ASS1: variants seen among roughly 807,000 people sequenced by gnomAD.
The protein encoded by ASS1 is argininosuccinate synthase.
In ASS1, 58 loss-of-function variants were observed where a neutral mutation model predicts 60.5. The ratio of observed to expected loss-of-function variants is 0.96; its 90% confidence interval spans 0.78 to 1.19. The LOEUF (loss-of-function observed/expected upper bound fraction) is 1.19. ASS1 is among the 50% of genes most tolerant of loss of function. The pLI, the probability that ASS1 is intolerant of heterozygous loss-of-function variation, is 0.00. For missense variants in ASS1, 454 were observed against 547.3 expected, an observed-to-expected ratio of 0.83 and a Z score of 1.70; for synonymous variants, 200 against 206.9, an observed-to-expected ratio of 0.97 and a Z score of 0.29.
In ASS1 at chr9:130,476,747, C is replaced by G; in HGVS notation, c.598-124C>G. 1.0e-6 allele frequency: 1 copy of G among 957,946 alleles called. No individual in the cohort carries two copies. Among genetic ancestry groups the G allele is most frequent in the Non-Finnish European group, 1.7e-6 (1 of 587,090 alleles). The allele number at this position is 957,946 out of a possible 1,614,324, so 59.3% of individuals were successfully genotyped here. On this transcript the variant is annotated intron_variant, in intron 8 of 14. Transcript: ENST00000352480. This position sits in a 1 kb window ranked among gnomAD's most constrained non-coding sequence, Gnocchi z 4.9. Reference sequence around the variant, plus strand: ...TGAGGGCTGGGGACCGGGGGATCTGCCGGACCCCACCAGCTGGTGGGGAAA... The same window carrying G: ...TGAGGGCTGGGGACCGGGGGATCTGGCGGACCCCACCAGCTGGTGGGGAAA...
chr9:130,476,859 G>A lies in ASS1; in HGVS notation c.598-12G>A, dbSNP rs1846032549. The A allele has an allele frequency of 6.2e-7, 1 of 1,612,314 alleles. No individual in the cohort carries two copies. Among genetic ancestry groups the A allele is most frequent in the African/African-American group, 1.3e-5 (1 of 74,984 alleles). ...GTATGTCATCTGCCCACCACTTTCT[G>A]TCTTTTTTCAGAACCAAGCGCCTCC... On this transcript the variant is annotated splice_polypyrimidine_tract_variant and intron_variant, in intron 8 of 14. Transcript: ENST00000352480. The surrounding 1 kb of genome is among the most constrained non-coding windows in gnomAD (Gnocchi z 4.9).
At chr9:130,475,739 G>GGGTT (rs1845996768) in intron 8 of ASS1, among the ~76,000 whole-genome samples, 1 of 142,004 alleles carries the variant, frequency 7.0e-6, no homozygotes, top group Admixed American at 7.3e-5. Flanking sequence ...TGTGTGCAAG[G>GGGTT]TGTTTTTTTT....
chr9:130,490,650 A>AT (rs1846427343), intron 12 of ASS1, among the ~76,000 whole-genome samples: 1 of 152,076 alleles, frequency 6.6e-6, no homozygotes, highest in Non-Finnish European at 1.5e-5. Flanking sequence ...AGGAAAAAAA[A>AT]TTTTTTAATG....
chr9:130,471,298 T>C (rs1445733054), intron 7 of ASS1, among the ~76,000 whole-genome samples, 187 bp from the exon 8 acceptor site: 1 of 152,186 alleles, frequency 6.6e-6, no homozygotes, highest in Non-Finnish European at 1.5e-5. Context: ...CAGCTCTTTC[T>C]TACAACCTGC....
chr9:130,473,394 C>G (rs1845921487), intron 8 of ASS1, among the ~76,000 whole-genome samples: 1 of 152,166 alleles, frequency 6.6e-6, no homozygotes, highest in Admixed American at 6.5e-5. Context: ...CTCAGGGACC[C>G]CTCTCAAGAA....
chr9:130,464,291 C>T, intron 5 of ASS1, 124 bp downstream of exon 5: 3 of 1,238,776 alleles, frequency 2.4e-6, no homozygotes, highest in Non-Finnish European at 3.5e-6. Flanking sequence ...GGCAGGGGTG[C>T]CCATCGGGTG....
At chr9:130,481,784 GC>G in intron 11 of ASS1, among the ~76,000 whole-genome samples, 1 of 152,324 alleles carries the variant, frequency 6.6e-6, no homozygotes, top group African/African-American at 2.4e-5. Flanking sequence ...GGAAGGGGAG[GC>G]AGGCTCGCCT....
intron 4 of ASS1, among the ~76,000 whole-genome samples, chr9:130,461,762 C>G (rs913299431): frequency 6.6e-6 from 1 of 152,172 alleles, no homozygotes; most frequent in Non-Finnish European, 1.5e-5. Context: ...AGGTGCTGGT[C>G]CAGCCTTCAG....
chr9:130,450,450 G>T, intron 1 of ASS1: 2 of 701,624 alleles, frequency 2.9e-6, no homozygotes, highest in Non-Finnish European at 3.5e-6. Flanking sequence ...CAGGGTTAGG[G>T]CTGGCTGAGT....
rs567104726 is a variant in ASS1 at position 130,472,044 on chromosome 9, C to T, written c.597+529C>T. On this transcript the variant is annotated intron_variant, in intron 8 of 14. Coordinates refer to ENST00000352480, the MANE Select transcript of ASS1 (RefSeq NM_054012.4). ...GGGCCCTCAGCTCTGTTTGAAGTTT[C>T]GGGTTTCTCTCCCGGGGGTAGGGGG... 4.3e-4 allele frequency among the ~76,000 whole-genome samples: 65 copies of T among 152,244 alleles called. 1 individual carries two copies. The East Asian group carries it at 0.012, about 28-fold the overall frequency.
At chr9:130,471,907 T>A (rs640181) in intron 8 of ASS1, among the ~76,000 whole-genome samples, 1 of 151,520 alleles carries the variant, frequency 6.6e-6, no homozygotes, top group African/African-American at 2.4e-5. Flanking sequence ...TTGTGGGGGG[T>A]GGGGGGAGGC....
chr9:130,475,232 T>C (rs1376580728), intron 8 of ASS1, among the ~76,000 whole-genome samples: 2 of 152,210 alleles, frequency 1.3e-5, no homozygotes, highest in Non-Finnish European at 2.9e-5. Context: ...AGGAGGAGGC[T>C]GGGCCGAGCA....
At chr9:130,492,973 C>T (rs897671305) in intron 12 of ASS1, among the ~76,000 whole-genome samples, 16 of 152,180 alleles carry the variant, frequency 1.1e-4, no homozygotes, top group African/African-American at 3.9e-4. Flanking sequence ...AAGCCCAGGC[C>T]AGTTGCTCCC....
chr9:130,475,747 T>C (rs988987135), intron 8 of ASS1, among the ~76,000 whole-genome samples: 7 of 149,984 alleles, frequency 4.7e-5, no homozygotes, highest in African/African-American at 1.7e-4. Flanking sequence ...AGGTGTTTTT[T>C]TTTTTTTTTT....
chr9:130,465,049 TATATA>T (rs371248068), intron 5 of ASS1, among the ~76,000 whole-genome samples: 1,884 of 105,770 alleles, frequency 0.018, 10 homozygotes, highest in Middle Eastern at 0.049. Context: ...TATATATATA[TATATA>T]TATTTTTTTT....
intron 8 of ASS1, among the ~76,000 whole-genome samples, chr9:130,472,909 G>C (rs1485953336): frequency 1.3e-5 from 2 of 152,216 alleles, no homozygotes; most frequent in Non-Finnish European, 2.9e-5. Flanking sequence ...CAGCCTATGG[G>C]GGCAGAGAGG....
At chr9:130,471,818 G>A (rs1282805182) in intron 8 of ASS1, among the ~76,000 whole-genome samples, 1 of 152,270 alleles carries the variant, frequency 6.6e-6, no homozygotes, top group Non-Finnish European at 1.5e-5. Context: ...CAATAAAGAA[G>A]TAATTAGGCA....
At chr9:130,448,409 G>GGT (rs568268746) in intron 1 of ASS1, among the ~76,000 whole-genome samples, 8,639 of 105,954 alleles carry the variant, frequency 0.082, 284 homozygotes, top group Non-Finnish European at 0.1. Flanking sequence ...GGTGCACACA[G>GGT]GTGTGTGCGC....
intron 11 of ASS1, among the ~76,000 whole-genome samples, chr9:130,486,291 A>C (rs1489736992): frequency 6.6e-6 from 1 of 152,038 alleles, no homozygotes; most frequent in Non-Finnish European, 1.5e-5. Flanking sequence ...ATGGGGTCTC[A>C]CTATATTGCC....
Sources: gnomAD v4.1 joint callset for allele counts (sites outside exome capture counted in the v4.1 genomes callset) on GRCh38, gnomAD v4.1.1 for gene constraint, Gnocchi (gnomAD v3.1) non-coding constraint, MANE v1.5 for transcripts, NCBI Gene and HGNC (gene_info 2026-07-23, HGNC 2026-07-21) for gene names.